POLR2B: variants seen among roughly 807,000 people sequenced by gnomAD.
The protein encoded by POLR2B is DNA-directed RNA polymerase II subunit RPB2.
POLR2B carries 57 observed loss-of-function variants against 144.6 expected under a neutral mutation model. That is an observed-to-expected ratio of 0.39 (90% CI 0.32 to 0.49). The LOEUF (loss-of-function observed/expected upper bound fraction) is 0.49, where lower values mean the gene tolerates loss of function less well. Among genes scored for constraint, POLR2B ranks in the 20% least tolerant of loss-of-function variants. The pLI is 0.83. For missense variants in POLR2B, 595 were observed against 1,467.4 expected (o/e 0.41, Z 9.71); for synonymous variants, 442 against 469.8 (o/e 0.94, Z 0.77).
chr4:57,018,548 G>A (rs1031449846), intron 16 of POLR2B, among the ~76,000 whole-genome samples: 2 of 152,044 alleles, frequency 1.3e-5, no homozygotes, highest in African/African-American at 4.8e-5. Context: ...CATGTTAGAA[G>A]GGGAAAGAGG....
intron 5 of POLR2B, 93 bp from the exon 6 acceptor site, chr4:56,995,158 T>C (rs1722640043): frequency 3.4e-6 from 3 of 876,100 alleles, no homozygotes; most frequent in Non-Finnish European, 5.2e-6. Context: ...TGAGCCTATA[T>C]GGTCAGATTA....
chr4:56,992,452 G>A (rs1243722755), intron 3 of POLR2B, among the ~76,000 whole-genome samples: 1 of 85,492 alleles, frequency 1.2e-5, no homozygotes, highest in Non-Finnish European at 2.0e-5. Context: ...GCGAGAGGTC[G>A]AGACTCTGTC....
intron 7 of POLR2B, among the ~76,000 whole-genome samples, chr4:57,002,253 T>C (rs992622625): frequency 2.1e-4 from 32 of 152,284 alleles, no homozygotes; most frequent in African/African-American, 7.7e-4. Flanking sequence ...GATCTTAAAC[T>C]CCTGAGCTCA....
At chr4:57,012,377 CCTGGGTGA>C (rs1472394653) in intron 13 of POLR2B, among the ~76,000 whole-genome samples, 1 of 151,422 alleles carries the variant, frequency 6.6e-6, no homozygotes, top group African/African-American at 2.4e-5. Flanking sequence ...TGTACTCCAG[CCTGGGTGA>C]CAGAGTGAGA....
Position 57,011,058 on chromosome 4 carries a change from C to G in POLR2B, c.1758C>G (p.Thr586=), listed in dbSNP as rs745769838. The change falls in exon 13 of 25, where the codon ACC becomes ACG. Residue 586 remains threonine (T), a synonymous_variant. Transcript: ENST00000314595. ...IHKDPEQLMN[T]LRKLRRQMDI... ...AAGATCCCGAACAACTTATGAACAC[C>G]CTAAGGAAATTGAGACGTCAGATGG... is the stretch of plus-strand genomic sequence containing the variant. 7 of 1,613,616 alleles carry G rather than the reference C, an allele frequency of 4.3e-6. No homozygotes were observed. The Admixed American group carries it at 5.0e-5, about 12-fold the overall frequency.
intron 13 of POLR2B, among the ~76,000 whole-genome samples, chr4:57,011,862 G>A (rs756091460): frequency 9.2e-5 from 14 of 152,092 alleles, no homozygotes; most frequent in Admixed American, 6.5e-5. Context: ...TTCGATGCAT[G>A]CTTCCAAAAA....
At chr4:57,008,903 TG>T (rs765277695) in intron 10 of POLR2B, among the ~76,000 whole-genome samples, 1 of 152,276 alleles carries the variant, frequency 6.6e-6, no homozygotes, top group East Asian at 1.9e-4. Context: ...AGAGCAGTTC[TG>T]GGTTTTCAAA....
intron 22 of POLR2B, among the ~76,000 whole-genome samples, 172 bp from the exon 23 acceptor site, chr4:57,025,205 G>C (rs1458831857): frequency 1.3e-5 from 2 of 152,054 alleles, no homozygotes; most frequent in Non-Finnish European, 2.9e-5. Context: ...ACCTTTTTTA[G>C]TCGCTACCTT....
chr4:56,993,276 C>G (rs1468753980), intron 3 of POLR2B, among the ~76,000 whole-genome samples: 1 of 152,112 alleles, frequency 6.6e-6, no homozygotes, highest in Non-Finnish European at 1.5e-5. Context: ...GCACTCCATC[C>G]TGGGTGACAG....
intron 13 of POLR2B, 62 bp from the exon 14 acceptor site, chr4:57,015,440 C>G (rs1723333654): frequency 1.2e-6 from 1 of 869,532 alleles, no homozygotes; most frequent in South Asian, 4.0e-5. Flanking sequence ...GTATTTTTAA[C>G]TAAGCCTAAT....
At chr4:57,003,358 AG>A (rs1722912569) in intron 7 of POLR2B, among the ~76,000 whole-genome samples, 1 of 151,944 alleles carries the variant, frequency 6.6e-6, no homozygotes, top group Non-Finnish European at 1.5e-5. Context: ...TGAACCTGGG[AG>A]GCGGAGGTTG....
chr4:57,026,791 T>A (rs1300658533), intron 23 of POLR2B, among the ~76,000 whole-genome samples: 1 of 152,008 alleles, frequency 6.6e-6, no homozygotes, highest in Non-Finnish European at 1.5e-5. Flanking sequence ...CAAAAAACCA[T>A]GTTTAATGAA....
chr4:57,025,583 T>A (rs746648909), intron 23 of POLR2B, 46 bp downstream of exon 23: 34 of 1,341,358 alleles, frequency 2.5e-5, no homozygotes, highest in Non-Finnish European at 3.6e-5. Context: ...CCTTATATTA[T>A]GAAAAATGTC....
In POLR2B at chr4:57,015,553, G is replaced by A; in HGVS notation, c.1852G>A (p.Ala618Thr). 1 of 1,486,608 alleles carries A rather than the reference G, an allele frequency of 6.7e-7. No individual in the cohort carries two copies. Among genetic ancestry groups the A allele is most frequent in the Non-Finnish European group, 9.1e-7 (1 of 1,102,014 alleles). The allele number at this position is 1,486,608 out of a possible 1,614,324, so 92.1% of individuals were successfully genotyped here. ...REREIRIYTD[A>T]GRICRPLLIV... Reference sequence around the variant, plus strand: ...GAGGGAGATTCGGATCTATACGGATGCAGGCCGTATTTGTAGACCACTTCT... The same window carrying A: ...GAGGGAGATTCGGATCTATACGGATACAGGCCGTATTTGTAGACCACTTCT... Residue 618 changes from alanine (A) to threonine (T), a missense_variant, in exon 14 of 25, where the codon GCA becomes ACA. By Grantham distance (58) the Ala-to-Thr change is moderately conservative. This residue lies in a region of POLR2B where 59 missense variants were observed against 84.2 expected (regional missense o/e 0.70). Transcript: ENST00000314595.
chr4:56,996,275 TA>T (rs1560474596), intron 6 of POLR2B, among the ~76,000 whole-genome samples: 22 of 104,500 alleles, frequency 2.1e-4, no homozygotes, highest in African/African-American at 7.5e-4. Flanking sequence ...TATATATATA[TA>T]TATTTTTTTT....
chr4:56,999,549 C>T, intron 6 of POLR2B, 68 bp from the exon 7 acceptor site: 1 of 991,772 alleles, frequency 1.0e-6, no homozygotes, highest in Non-Finnish European at 1.5e-6. Context: ...TTAAATAGTT[C>T]TCTTGGTGTT....
intron 23 of POLR2B, among the ~76,000 whole-genome samples, chr4:57,026,782 A>C (rs183085081): frequency 6.9e-4 from 103 of 148,418 alleles, no homozygotes; most frequent in Non-Finnish European, 1.3e-3. Flanking sequence ...AAAACAAAAC[A>C]AAAAACCATG....
intron 1 of POLR2B, among the ~76,000 whole-genome samples, chr4:56,983,661 C>T (rs1264097161): frequency 4.6e-5 from 7 of 152,154 alleles, no homozygotes; most frequent in African/African-American, 1.4e-4. Context: ...TGAGCCACTG[C>T]GCCCGGCCAG....
chr4:56,988,935 C>T (rs1029296332), intron 2 of POLR2B, among the ~76,000 whole-genome samples: 2 of 152,178 alleles, frequency 1.3e-5, no homozygotes, highest in East Asian at 3.8e-4. Context: ...CTATTGTGAA[C>T]TGTCATAGCA....
Sources: gnomAD v4.1 joint callset for allele counts (sites outside exome capture counted in the v4.1 genomes callset) on GRCh38, gnomAD v4.1.1 for gene constraint, gnomAD v4.1.1 regional missense constraint, MANE v1.5 for transcripts, NCBI Gene and HGNC (gene_info 2026-07-23, HGNC 2026-07-21) for gene names.